CELF2: variants seen among roughly 807,000 people sequenced by gnomAD.
The protein encoded by CELF2 is CUGBP Elav-like family member 2.
CELF2 carries 8 observed loss-of-function variants against 62.6 expected under a neutral mutation model. That is an observed-to-expected ratio of 0.13 (90% CI 0.07 to 0.23). The LOEUF is 0.23. Ranked by LOEUF, CELF2 falls within the 10% of genes least tolerant of loss-of-function variation. The pLI is 1.00. For missense variants in CELF2, 333 were observed against 671.0 expected, an observed-to-expected ratio of 0.50 and a Z score of 5.56; for synonymous variants, 258 against 250.0, an observed-to-expected ratio of 1.03 and a Z score of -0.30.
chr10:10,635,324 T>A, the CELF2 span, among the ~76,000 whole-genome samples: 2 of 152,212 alleles, frequency 1.3e-5, no homozygotes, highest in Non-Finnish European at 1.5e-5. Flanking sequence ...AAATCCCTAT[T>A]AAAGTCCAGT....
rs2083505192 is a variant in CELF2 at position 11,270,681 on chromosome 10, A to G, written c.634A>G (p.Ile212Val). The G allele has an allele frequency of 3.3e-6, 5 of 1,509,524 alleles. No individual in the cohort carries two copies. Among genetic ancestry groups the G allele is most frequent in the Non-Finnish European group, 4.5e-6 (5 of 1,123,548 alleles). 93.5% of individuals were successfully genotyped at this position (1,509,524 alleles called of 1,614,324 possible). The change falls in exon 7 of 13, where the codon ATC becomes GTC. Residue 212 changes from isoleucine to valine, a missense_variant. Ile to Val is a conservative substitution (Grantham distance 29). Transcript: ENST00000633077. The surrounding 1 kb of genome is among the most constrained non-coding windows in gnomAD (Gnocchi z 5.8). ...SQTMEGCSSP[I>V]VVKFADTQKD... ...CTGACCACAGGGCTGCTCTTCACCT[A>G]TCGTGGTGAAGTTTGCTGACACTCA...
At chr10:10,616,534 G>T in the CELF2 span, among the ~76,000 whole-genome samples, 1 of 151,948 alleles carries the variant, frequency 6.6e-6, no homozygotes, top group Non-Finnish European at 1.5e-5. Context: ...GGATTCTATA[G>T]AAATCGTAAC....
the CELF2 span, among the ~76,000 whole-genome samples, chr10:10,593,136 A>G: frequency 6.6e-6 from 1 of 152,176 alleles, no homozygotes; most frequent in Non-Finnish European, 1.5e-5. Context: ...AGTGGTGAGC[A>G]AGGAGTGGAG....
In CELF2 at chr10:11,282,526, T is replaced by C. The variant is rs527726396; in HGVS notation, c.842-5892T>C. On this transcript the variant is annotated intron_variant, in intron 8 of 12. Coordinates refer to ENST00000633077, the MANE Select transcript of CELF2 (RefSeq NM_001326342.2). Reference sequence around the variant, plus strand: ...AGCTTGCCTGGCACGCGCTTTGTTCTTGCTTCTGCTGTCATTGTCGTTTAG... The same window carrying C: ...AGCTTGCCTGGCACGCGCTTTGTTCCTGCTTCTGCTGTCATTGTCGTTTAG... Among the ~76,000 whole-genome samples, 23 of 152,394 alleles carry C rather than the reference T, an allele frequency of 1.5e-4. 1 individual carries two copies. The highest frequency in any genetic ancestry group is 5.3e-4 in the African/African-American group (22 of 41,594).
chr10:10,543,286 G>A, the CELF2 span, among the ~76,000 whole-genome samples: 527 of 152,194 alleles, frequency 3.5e-3, 2 homozygotes, highest in Middle Eastern at 0.017. Flanking sequence ...AGTGGAGAAT[G>A]TTCTCTTTCC....
At chr10:10,546,502 T>G in the CELF2 span, among the ~76,000 whole-genome samples, 6 of 152,292 alleles carry the variant, frequency 3.9e-5, no homozygotes, top group South Asian at 1.2e-3. Flanking sequence ...CTTTAACATG[T>G]AAACCAACTG....
At chr10:11,002,903 A>C (rs1171972020), upstream of CELF2, among the ~76,000 whole-genome samples, 3 of 152,358 alleles carry the variant, frequency 2.0e-5, no homozygotes, top group East Asian at 5.8e-4. The surrounding 1 kb of genome is among the most constrained non-coding windows in gnomAD (Gnocchi z 4.4). Flanking sequence ...GTTAAACATA[A>C]ATTCATTCCT....
the CELF2 span, among the ~76,000 whole-genome samples, chr10:10,547,692 AGTGT>A: frequency 0.095 from 13,046 of 137,898 alleles, 686 homozygotes; most frequent in Non-Finnish European, 0.12. Flanking sequence ...AGAGAGAGAG[AGTGT>A]GTGTGTGTGT....
intron 1 of CELF2, among the ~76,000 whole-genome samples, chr10:11,037,865 T>C (rs2061215673): frequency 6.6e-6 from 1 of 152,154 alleles, no homozygotes; most frequent in Non-Finnish European, 1.5e-5. Flanking sequence ...TTTTAAAACA[T>C]GTATAAAGGT....
intron 2 of CELF2, among the ~76,000 whole-genome samples, chr10:11,197,052 A>AGAAAGAAAGAAAGAAAGAAAG: frequency 3.2e-5 from 1 of 31,688 alleles, no homozygotes; most frequent in Admixed American, 2.7e-4. Context: ...AAAGAAAGAA[A>AGAAAGAAAGAAAGAAAGAAAG]GAAAGAAAAG....
intron 1 of CELF2, among the ~76,000 whole-genome samples, chr10:11,080,828 A>T (rs925902538): frequency 2.0e-5 from 3 of 152,242 alleles, no homozygotes; most frequent in African/African-American, 7.2e-5. Flanking sequence ...CCTAATGAAA[A>T]GAAAATTATA....
intron 1 of CELF2, among the ~76,000 whole-genome samples, chr10:11,023,896 T>C (rs2058729252): frequency 6.6e-6 from 1 of 152,216 alleles, no homozygotes; most frequent in Non-Finnish European, 1.5e-5. Context: ...TAAAATGTAA[T>C]GCTAATAAGT....
chr10:11,128,295 A>T (rs1304079734), intron 1 of CELF2, among the ~76,000 whole-genome samples: 4 of 152,144 alleles, frequency 2.6e-5, no homozygotes, highest in Non-Finnish European at 5.9e-5. Flanking sequence ...CTTGTAGTAT[A>T]GTTTGAAGTC....
Position 11,046,115 on chromosome 10 carries a change from C to T in CELF2, c.74+27952C>T, listed in dbSNP as rs1291874. Among the ~76,000 whole-genome samples, 60,281 of 152,068 alleles carry T rather than the reference C, an allele frequency of 0.4. 14,554 individuals are homozygous for T. The highest frequency in any genetic ancestry group is 0.67 in the African/African-American group (27,725 of 41,446). On this transcript the variant is annotated intron_variant, in intron 1 of 12. Coordinates refer to ENST00000633077, the MANE Select transcript of CELF2 (RefSeq NM_001326342.2). This position sits in a 1 kb window ranked among gnomAD's most constrained non-coding sequence, Gnocchi z 4.6. ...GCTGTCTACACCTTCCAGCTCTGTT[C>T]TATTTGCTGCTGTTTAATGTTTTCC...
the CELF2 span, among the ~76,000 whole-genome samples, chr10:10,586,973 A>C: frequency 6.6e-6 from 1 of 152,148 alleles, no homozygotes; most frequent in Non-Finnish European, 1.5e-5. Flanking sequence ...TACAGGGAGA[A>C]GGCCTTTGGA....
chr10:10,498,505 G>A, the CELF2 span, among the ~76,000 whole-genome samples: 60 of 152,320 alleles, frequency 3.9e-4, no homozygotes, highest in Non-Finnish European at 7.8e-4. Context: ...TAAGAGATGA[G>A]GTGGAAAGCA....
At chr10:11,241,324 C>T (rs2073838894) in intron 3 of CELF2, among the ~76,000 whole-genome samples, 1 of 152,234 alleles carries the variant, frequency 6.6e-6, no homozygotes, top group African/African-American at 2.4e-5. Context: ...CTCAGTCTCC[C>T]AAGTAGCTGG....
chr10:11,179,806 CAG>C (rs373680076), intron 2 of CELF2, among the ~76,000 whole-genome samples: 30 of 152,298 alleles, frequency 2.0e-4, no homozygotes, highest in East Asian at 9.6e-4. Context: ...ATTGTACAAA[CAG>C]GGGGAAGGAG....
intron 1 of CELF2, chr10:11,071,425 T>G (rs1420219744): frequency 6.6e-6 from 1 of 152,242 alleles, no homozygotes. Flanking sequence ...GAGTCGAACA[T>G]CTAGGAAGAG....
Sources: gnomAD v4.1 joint callset for allele counts (sites outside exome capture counted in the v4.1 genomes callset) on GRCh38, gnomAD v4.1.1 for gene constraint, Gnocchi (gnomAD v3.1) non-coding constraint, MANE v1.5 for transcripts, NCBI Gene and HGNC (gene_info 2026-07-23, HGNC 2026-07-21) for gene names.